HS3ST1: variants seen among roughly 807,000 people sequenced by gnomAD.
The protein encoded by HS3ST1 is heparan sulfate glucosamine 3-O-sulfotransferase 1.
In HS3ST1, 8 loss-of-function variants were observed where a neutral mutation model predicts 20.7. That is an observed-to-expected ratio of 0.39 (90% CI 0.23 to 0.70). The LOEUF (loss-of-function observed/expected upper bound fraction) is 0.70. Ranked by LOEUF, HS3ST1 falls within the 30% of genes least tolerant of loss-of-function variation. HS3ST1 has a pLI of 0.46. For missense variants in HS3ST1, 436 were observed against 423.4 expected, an observed-to-expected ratio of 1.03 and a Z score of -0.26; for synonymous variants, 205 against 190.4, an observed-to-expected ratio of 1.08 and a Z score of -0.63.
intron 1 of HS3ST1, among the ~76,000 whole-genome samples, chr4:11,412,863 C>G (rs1402412814): frequency 6.6e-6 from 1 of 152,194 alleles, no homozygotes; most frequent in African/African-American, 2.4e-5. Flanking sequence ...ATGTTAAAAT[C>G]AAATCCCCAT....
At chr4:11,424,624 A>G (rs1294917474) in intron 1 of HS3ST1, among the ~76,000 whole-genome samples, 1 of 152,162 alleles carries the variant, frequency 6.6e-6, no homozygotes, top group Non-Finnish European at 1.5e-5. Flanking sequence ...GAACCTGGGC[A>G]CCAGAGGCAC....
intron 1 of HS3ST1, among the ~76,000 whole-genome samples, chr4:11,422,679 G>A (rs1459631141): frequency 2.0e-5 from 3 of 152,048 alleles, no homozygotes; most frequent in Admixed American, 1.3e-4. Context: ...TTTGGGAGAA[G>A]GTGTACCAGA....
chr4:11,433,955 C>T (rs1156229310), upstream of HS3ST1, among the ~76,000 whole-genome samples: 2 of 152,204 alleles, frequency 1.3e-5, no homozygotes, highest in African/African-American at 4.8e-5. Context: ...TCTGAACTCT[C>T]AACTTCAATC....
intron 1 of HS3ST1, among the ~76,000 whole-genome samples, chr4:11,409,148 C>A (rs778175214): frequency 6.6e-6 from 1 of 152,216 alleles, no homozygotes; most frequent in Non-Finnish European, 1.5e-5. Context: ...TCCCAATTTG[C>A]ATCTTACTAA....
chr4:11,429,788 A>C (rs182753569), upstream of HS3ST1: 12 of 150,916 alleles, frequency 8.0e-5, no homozygotes, highest in African/African-American at 2.7e-4. Context: ...ACCTGCACCC[A>C]ATAACTCAAT....
At position 11,399,801 on chromosome 4, in the gene HS3ST1, C is replaced by T; in HGVS notation, c.205G>A (p.Ala69Thr). The T allele has an allele frequency of 1.9e-6, 3 of 1,613,132 alleles. No homozygotes were observed. Among genetic ancestry groups the T allele is most frequent in the Non-Finnish European group, 2.5e-6 (3 of 1,179,802 alleles). ...TGCAGGCTGAGCATCTCCAGCAGTG[C>T]GCGCGTGCCGCCCTTGCGCACGCCG... ...IIGVRKGGTR[A>T]LLEMLSLHPD... Residue 69 changes from alanine to threonine, a missense_variant, in exon 2 of 2, where the codon GCA becomes ACA. Ala to Thr is a moderately conservative substitution (Grantham distance 58, BLOSUM62 0). Coordinates refer to ENST00000002596, the MANE Select transcript of HS3ST1 (RefSeq NM_005114.4). The surrounding 1 kb of genome is among the most constrained non-coding windows in gnomAD (Gnocchi z 5.1).
At chr4:11,417,964 T>C (rs1718829454) in intron 1 of HS3ST1, among the ~76,000 whole-genome samples, 1 of 152,258 alleles carries the variant, frequency 6.6e-6, no homozygotes, top group Admixed American at 6.5e-5. Context: ...TTCAAATGTC[T>C]TTGTGCCTCA....
chr4:11,428,156 C>T (rs1719111103), intron 1 of HS3ST1, among the ~76,000 whole-genome samples: 1 of 146,918 alleles, frequency 6.8e-6, no homozygotes, highest in African/African-American at 2.6e-5. Context: ...ATTGTCAGGG[C>T]TGTCACCTCA....
intron 1 of HS3ST1, among the ~76,000 whole-genome samples, chr4:11,415,960 G>A (rs1718770915): frequency 6.6e-6 from 1 of 152,142 alleles, no homozygotes; most frequent in African/African-American, 2.4e-5. Flanking sequence ...TGAGAAGCCG[G>A]CAGGAGCAGG....
chr4:11,428,507 CAGG>C (rs1719125814), intron 1 of HS3ST1, 189 bp downstream of exon 1: 1 of 152,546 alleles, frequency 6.6e-6, no homozygotes, highest in East Asian at 1.9e-4. Context: ...GGTGCTAGGG[CAGG>C]AGGTGAGGAG....
Position 11,397,706 on chromosome 4 carries a change from G to A in HS3ST1, c.*1376C>T, listed in dbSNP as rs551856135. 3.9e-5 allele frequency: 6 copies of A among 152,228 alleles called. No homozygotes were observed. The highest frequency in any genetic ancestry group is 8.8e-5 in the Non-Finnish European group (6 of 68,016). The allele number at this position is 152,228 out of a possible 1,614,324, so 9.4% of individuals were successfully genotyped here. On this transcript the variant is annotated 3_prime_UTR_variant, in exon 2 of 2. Transcript: ENST00000002596. ...TAATATCTGCATCCTGGGGTTGCTT[G>A]GAGAAATTTCAATGAGTTCTTAAGT...
intron 1 of HS3ST1, among the ~76,000 whole-genome samples, chr4:11,401,259 C>T (rs865774591): frequency 2.0e-5 from 3 of 151,918 alleles, no homozygotes; most frequent in Admixed American, 6.6e-5. Context: ...CAAAGCTTTA[C>T]TATTGATAAT....
At chr4:11,431,232 T>TTAA (rs1719199432), upstream of HS3ST1, among the ~76,000 whole-genome samples, 1 of 137,880 alleles carries the variant, frequency 7.3e-6, no homozygotes, top group Admixed American at 7.2e-5. Flanking sequence ...ACTATGCTCT[T>TTAA]AAAAAAAAAA....
chr4:11,402,849 C>T (rs1188606546), intron 1 of HS3ST1, among the ~76,000 whole-genome samples: 1 of 152,126 alleles, frequency 6.6e-6, no homozygotes, highest in Non-Finnish European at 1.5e-5. Context: ...AGGTTTCTTT[C>T]CTGAAGGAGA....
Position 11,399,377 on chromosome 4 carries a change from C to T in HS3ST1, c.629G>A (p.Arg210His), listed in dbSNP as rs1161685509. 1.9e-6 allele frequency: 3 copies of T among 1,613,926 alleles called. No homozygotes were observed. Among genetic ancestry groups the T allele is most frequent in the Non-Finnish European group, 2.5e-6 (3 of 1,180,006 alleles). ...MQNWLRFFPL[R>H]HIHIVDGDRL... ...GTCGCCGTCCACAATGTGGATGTGG[C>T]GCAGCGGGAAAAAGCGCAGCCAGTT... The change falls in exon 2 of 2, where the codon CGC becomes CAC. Residue 210 changes from arginine to histidine, a missense_variant. By Grantham distance (29) the Arg-to-His change is conservative. Transcript: ENST00000002596. This position sits in a 1 kb window ranked among gnomAD's most constrained non-coding sequence, Gnocchi z 5.1.
At chr4:11,409,129 A>G (rs771659909) in intron 1 of HS3ST1, among the ~76,000 whole-genome samples, 6 of 152,172 alleles carry the variant, frequency 3.9e-5, no homozygotes, top group Admixed American at 2.0e-4. Context: ...TGACTCAGAA[A>G]CATGGGTCTC....
chr4:11,427,517 C>T (rs1276439214), intron 1 of HS3ST1, among the ~76,000 whole-genome samples: 1 of 152,170 alleles, frequency 6.6e-6, no homozygotes, highest in East Asian at 1.9e-4. Flanking sequence ...CCCTAGAATC[C>T]CCCCAAAAGC....
chr4:11,406,747 A>T (rs1263624904), intron 1 of HS3ST1, among the ~76,000 whole-genome samples: 1 of 152,318 alleles, frequency 6.6e-6, no homozygotes, highest in South Asian at 2.1e-4. Flanking sequence ...GAGATTTATT[A>T]TACTGTTATG....
intron 1 of HS3ST1, among the ~76,000 whole-genome samples, chr4:11,410,936 A>G (rs1358333789): frequency 1.3e-5 from 2 of 152,114 alleles, no homozygotes; most frequent in African/African-American, 4.8e-5. Context: ...TAGAGGAAAA[A>G]TAGCCCTGGC....
Sources: gnomAD v4.1 joint callset for allele counts (sites outside exome capture counted in the v4.1 genomes callset) on GRCh38, gnomAD v4.1.1 for gene constraint, Gnocchi (gnomAD v3.1) non-coding constraint, MANE v1.5 for transcripts, NCBI Gene and HGNC (gene_info 2026-07-23, HGNC 2026-07-21) for gene names.